The following CPLX2 variants were observed in gnomAD, a reference collection of about 807,000 sequenced individuals.
The protein encoded by CPLX2 is complexin-2.
In CPLX2, 5 loss-of-function variants were observed where a neutral mutation model predicts 16.3. The observed-to-expected ratio is 0.31, with a 90% CI of 0.16 to 0.64. The LOEUF (loss-of-function observed/expected upper bound fraction) is 0.64, where lower values mean the gene tolerates loss of function less well. CPLX2 is among the 30% of genes least tolerant of loss of function. The probability of loss-of-function intolerance (pLI) is 0.79; values close to 1 mark genes in which losing one functional copy is unlikely to be tolerated. For synonymous variants in CPLX2, 89 were observed against 73.2 expected (o/e 1.22, Z -1.10); for missense variants, 144 against 181.4 (o/e 0.79, Z 1.18).
upstream of CPLX2, among the ~76,000 whole-genome samples, chr5:175,866,740 T>A (rs73803079): frequency 0.071 from 10,801 of 151,986 alleles, 622 homozygotes; most frequent in East Asian, 0.16. Flanking sequence ...GACCAATGAG[T>A]CAGAGTTCAT....
chr5:175,842,587 C>T (rs1309961399), intron 2 of CPLX2, among the ~76,000 whole-genome samples: 1 of 152,234 alleles, frequency 6.6e-6, no homozygotes, highest in Non-Finnish European at 1.5e-5. Flanking sequence ...CTGCAGAGTC[C>T]AGCACCCCGT....
intron 2 of CPLX2, among the ~76,000 whole-genome samples, chr5:175,834,359 G>A (rs545165591): frequency 6.6e-6 from 1 of 152,346 alleles, no homozygotes; most frequent in South Asian, 2.1e-4. Flanking sequence ...CTCAGCAAGT[G>A]TTTATCCAGG....
intron 2 of CPLX2, among the ~76,000 whole-genome samples, chr5:175,814,158 A>G (rs562614777): frequency 3.9e-5 from 6 of 152,272 alleles, no homozygotes; most frequent in Non-Finnish European, 8.8e-5. Flanking sequence ...AAGGGCTTCC[A>G]TGGCTCCAGA....
intron 1 of CPLX2, among the ~76,000 whole-genome samples, chr5:175,808,082 C>A (rs1307300684): frequency 6.6e-6 from 1 of 152,208 alleles, no homozygotes; most frequent in Non-Finnish European, 1.5e-5. Context: ...GACATTGCAG[C>A]CCCTTCAGTT....
In CPLX2 at chr5:175,849,697, G is replaced by A. The variant is rs922368366; in HGVS notation, c.-88-28955G>A. Among the ~76,000 whole-genome samples the A allele has an allele frequency of 6.6e-6, 1 of 152,068 alleles. No individual in the cohort carries two copies. Among genetic ancestry groups the A allele is most frequent in the African/African-American group, 2.4e-5 (1 of 41,406 alleles). On this transcript the variant is annotated intron_variant, in intron 2 of 4. Transcript: ENST00000359546. The surrounding 1 kb of genome is among the most constrained non-coding windows in gnomAD (Gnocchi z 4.4). ...ATCATGGGAGAAGCCGGGCTTTGGA[G>A]CTGGACTCACCTGAGCCTCTCGGTG...
Position 175,841,583 on chromosome 5 carries a change from A to C in CPLX2, c.-89+32515A>C, listed in dbSNP as rs1561780511. On this transcript the variant is annotated intron_variant, in intron 2 of 4. Coordinates refer to the CPLX2 transcript ENST00000359546. ...TATGTCTGAGACCTAGATTCCAGGG[A>C]CCCCCCAAGTCTCTTCCACACTGCA... Among the ~76,000 whole-genome samples, 3 of 151,944 alleles carry C rather than the reference A, an allele frequency of 2.0e-5. No individual in the cohort carries two copies. The South Asian group carries it at 6.2e-4, about 32-fold the overall frequency.
At chr5:175,819,115 G>A (rs1027388399) in intron 2 of CPLX2, among the ~76,000 whole-genome samples, 18 of 152,214 alleles carry the variant, frequency 1.2e-4, no homozygotes, top group African/African-American at 3.1e-4. Flanking sequence ...AAATCTCATC[G>A]TGGGACTAGA....
At chr5:175,835,728 CTTTTTTTTTTTTT>C (rs71575283) in intron 2 of CPLX2, among the ~76,000 whole-genome samples, 1 of 54,770 alleles carries the variant, frequency 1.8e-5, no homozygotes, top group Non-Finnish European at 3.1e-5. Flanking sequence ...TATTTATTTA[CTTTTTTTTTTTTT>C]TTTTTTTTTT....
intron 1 of CPLX2, among the ~76,000 whole-genome samples, chr5:175,804,898 G>A (rs913444924): frequency 1.3e-5 from 2 of 152,222 alleles, no homozygotes; most frequent in African/African-American, 4.8e-5. Flanking sequence ...GACACCTCAT[G>A]CATTTTAAAC....
intron 1 of CPLX2, 57 bp from the exon 2 acceptor site, chr5:175,878,595 C>T: frequency 1.1e-6 from 1 of 898,390 alleles, no homozygotes; most frequent in Non-Finnish European, 1.8e-6. Context: ...CTGCCTAGCT[C>T]CCCCGCCCTG....
At chr5:175,819,359 C>A (rs1758467288) in intron 2 of CPLX2, among the ~76,000 whole-genome samples, 1 of 152,216 alleles carries the variant, frequency 6.6e-6, no homozygotes, top group Non-Finnish European at 1.5e-5. Flanking sequence ...ACATTCCCTA[C>A]TGTAGCTACT....
intron 2 of CPLX2, among the ~76,000 whole-genome samples, chr5:175,814,950 C>T (rs574105022): frequency 9.1e-4 from 139 of 152,292 alleles, no homozygotes; most frequent in African/African-American, 3.2e-3. Flanking sequence ...GACAGGACTG[C>T]TTCCGAGATT....
In CPLX2 at chr5:175,830,991, G is replaced by A. The variant is rs562718252; in HGVS notation, c.-89+21923G>A. On this transcript the variant is annotated intron_variant, in intron 2 of 4. Transcript: ENST00000359546. This position sits in a 1 kb window ranked among gnomAD's most constrained non-coding sequence, Gnocchi z 4.0. ...ATTGTGAGCATGGCTGGGGGTGCGCGTGTGTGCTCATGGCAGCTGAGTGTC... is the reference window on the plus strand; with the variant it reads ...ATTGTGAGCATGGCTGGGGGTGCGCATGTGTGCTCATGGCAGCTGAGTGTC... 2.0e-5 allele frequency among the ~76,000 whole-genome samples: 3 copies of A among 152,348 alleles called. No homozygotes were observed. The highest frequency in any genetic ancestry group is 1.9e-4 in the East Asian group (1 of 5,182).
At chr5:175,804,071 T>C (rs76277992) in intron 1 of CPLX2, among the ~76,000 whole-genome samples, 1,572 of 152,232 alleles carry the variant, frequency 0.01, 21 homozygotes, top group African/African-American at 0.036. Context: ...TAAATAACTT[T>C]TTATGCAATT....
intron 2 of CPLX2, among the ~76,000 whole-genome samples, chr5:175,843,249 GCCTT>G (rs1370276826): frequency 6.6e-6 from 1 of 152,162 alleles, no homozygotes; most frequent in Non-Finnish European, 1.5e-5. Flanking sequence ...CTCGAGCTCT[GCCTT>G]CCCCACAAGC....
intron 2 of CPLX2, among the ~76,000 whole-genome samples, chr5:175,835,034 C>G (rs1468208968): frequency 1.3e-5 from 2 of 152,132 alleles, no homozygotes; most frequent in African/African-American, 4.8e-5. Flanking sequence ...GGGGACATGG[C>G]AAAGAGAGGG....
At chr5:175,865,784 CA>C (rs1384708890) in intron 2 of CPLX2, among the ~76,000 whole-genome samples, 3 of 152,122 alleles carry the variant, frequency 2.0e-5, no homozygotes, top group African/African-American at 7.2e-5. Flanking sequence ...CGGAGCTGGG[CA>C]AAAGATGCAA....
intron 1 of CPLX2, among the ~76,000 whole-genome samples, chr5:175,799,304 T>G (rs1758044742): frequency 6.6e-6 from 1 of 151,904 alleles, no homozygotes; most frequent in Admixed American, 6.6e-5. Context: ...ATAGCCACAT[T>G]TTACAAATGA....
Position 175,883,380 on chromosome 5 carries a change from G to C in CPLX2, c.*3335G>C, listed in dbSNP as rs10866692. The C allele has an allele frequency of 0.42, 63,833 of 152,080 alleles. 14,521 individuals carry two copies. The highest frequency in any genetic ancestry group is 0.49 in the Non-Finnish European group (33,048 of 67,978). The allele number at this position is 152,080 out of a possible 1,614,324, so 9.4% of individuals were successfully genotyped here. A position where few individuals can be genotyped will look rare whatever the true frequency, so the allele number is the denominator to read the frequency against. On this transcript the variant is annotated 3_prime_UTR_variant, in exon 4 of 4. Coordinates refer to ENST00000393745, the MANE Select transcript of CPLX2 (RefSeq NM_001008220.2). Reference sequence around the variant, plus strand: ...CTCCTCCAGATGGAATCAGGAAGTCGAGACACCATCCCAGGTGTGTGTAAG... The same window carrying C: ...CTCCTCCAGATGGAATCAGGAAGTCCAGACACCATCCCAGGTGTGTGTAAG...
Sources: gnomAD v4.1 joint callset for allele counts (sites outside exome capture counted in the v4.1 genomes callset) on GRCh38, gnomAD v4.1.1 for gene constraint, Gnocchi (gnomAD v3.1) non-coding constraint, MANE v1.5 for transcripts, NCBI Gene and HGNC (gene_info 2026-07-23, HGNC 2026-07-21) for gene names.